The following ZDHHC20 variants were observed in gnomAD, a reference collection of about 807,000 sequenced individuals.
ZDHHC20 encodes the protein zDHHC palmitoyltransferase 20, also known as palmitoyltransferase ZDHHC20.
Under a neutral mutation model 57.8 loss-of-function variants are expected in ZDHHC20, and 43 were observed. That is an observed-to-expected ratio of 0.74 (90% CI 0.58 to 0.96). ZDHHC20 has a LOEUF of 0.96. Among genes scored for constraint, ZDHHC20 ranks in the 40% least tolerant of loss-of-function variants. ZDHHC20 has a pLI of 0.00. For synonymous variants in ZDHHC20, 157 were observed against 153.0 expected, an observed-to-expected ratio of 1.03 and a Z score of -0.19; for missense variants, 391 against 441.1, an observed-to-expected ratio of 0.89 and a Z score of 1.02.
chr13:21,412,931 G>C (rs894233349), intron 4 of ZDHHC20, among the ~76,000 whole-genome samples: 1 of 118,472 alleles, frequency 8.4e-6, no homozygotes, highest in Admixed American at 1.2e-4. Flanking sequence ...CTGCACCATT[G>C]CACTCAAGCC....
Position 21,376,579 on chromosome 13 carries a change from C to A in ZDHHC20, c.*117G>T. The A allele has an allele frequency of 8.4e-7, 1 of 1,192,328 alleles. No individual in the cohort carries two copies. The highest frequency in any genetic ancestry group is 1.1e-6 in the Non-Finnish European group (1 of 870,968). 73.9% of individuals were successfully genotyped at this position (1,192,328 alleles called of 1,614,324 possible). A position where few individuals can be genotyped will look rare whatever the true frequency, so the allele number is the denominator to read the frequency against. On this transcript the variant is annotated 3_prime_UTR_variant, in exon 13 of 13. Transcript: ENST00000400590. ...TTTAAAAAATATATCTTCTGTTATA[C>A]TTCAGTTATTTCATTCCACTGATCA...
At chr13:21,424,582 G>C (rs2137922233) in intron 2 of ZDHHC20, among the ~76,000 whole-genome samples, 1 of 152,050 alleles carries the variant, frequency 6.6e-6, no homozygotes, top group South Asian at 2.1e-4. Flanking sequence ...GTGGTGGCAG[G>C]TGCCTGTAGT....
intron 1 of ZDHHC20, among the ~76,000 whole-genome samples, chr13:21,433,892 C>T (rs112759300): frequency 0.018 from 2,709 of 152,240 alleles, 73 homozygotes; most frequent in African/African-American, 0.062. Flanking sequence ...CTATTATAAA[C>T]AGCATTTCTA....
At chr13:21,443,880 T>G (rs1322044195) in intron 1 of ZDHHC20, among the ~76,000 whole-genome samples, 1 of 152,224 alleles carries the variant, frequency 6.6e-6, no homozygotes, top group Non-Finnish European at 1.5e-5. Context: ...TCTAAAATTT[T>G]GGCTGCGTGT....
chr13:21,451,006 G>C (rs978889939), intron 1 of ZDHHC20, among the ~76,000 whole-genome samples: 2 of 151,902 alleles, frequency 1.3e-5, no homozygotes, highest in Non-Finnish European at 1.5e-5. Flanking sequence ...CTCCCACTTG[G>C]GCTTCCCAAA....
chr13:21,456,164 G>A (rs1055394049), intron 1 of ZDHHC20, among the ~76,000 whole-genome samples: 9 of 152,188 alleles, frequency 5.9e-5, no homozygotes, highest in African/African-American at 2.2e-4. Flanking sequence ...CCAGCACTTT[G>A]GGAGGCCAAG....
rs936924633 is a variant in ZDHHC20 at position 21,413,704 on chromosome 13, A to C, written c.318T>G (p.Ile106Met). Residue 106 changes from isoleucine to methionine, a missense_variant, in exon 4 of 13, where the codon ATT becomes ATG. This residue lies in a region of ZDHHC20 where 185 missense variants were observed against 188.0 expected (regional missense o/e 0.98). Coordinates refer to ENST00000400590, the MANE Select transcript of ZDHHC20 (RefSeq NM_001330059.2). Reference protein sequence around the residue: ...KEFSQERQQEILRRAARALPI... With the variant: ...KEFSQERQQEMLRRAARALPI... ...GTAAAGCTCTTGCTGCTCTTCTCAA[A>C]ATTTCTTGTTGTCTTTCTTGGCTGA... 6.2e-7 allele frequency: 1 copy of C among 1,611,750 alleles called. No homozygotes were observed.
At chr13:21,376,718 A>G (rs1872140948) in intron 12 of ZDHHC20, 63 bp from the exon 13 acceptor site, 13 of 1,146,192 alleles carry the variant, frequency 1.1e-5, no homozygotes, top group Non-Finnish European at 1.6e-5. Flanking sequence ...AATATTTACT[A>G]AATGGTTCTG....
rs189576712 is a variant in ZDHHC20, at chr13:21,397,129, T to A, written c.594+3244A>T. On this transcript the variant is annotated intron_variant, in intron 7 of 12. Transcript: ENST00000400590. ...CCTCATTTGGGCTGGCCGCAGTGGC[T>A]CATGCCTGTAATGCCAGCATTTTGG... 7.2e-5 allele frequency among the ~76,000 whole-genome samples: 11 copies of A among 152,244 alleles called. No homozygotes were observed. The East Asian group carries it at 1.9e-3, about 27-fold the overall frequency.
intron 11 of ZDHHC20, among the ~76,000 whole-genome samples, chr13:21,379,825 C>CTTTTTTTTTTTTTT (rs56681468): frequency 5.1e-5 from 7 of 137,728 alleles, no homozygotes; most frequent in African/African-American, 1.4e-4. Flanking sequence ...TTTCTTTTTT[C>CTTTTTTTTTTTTTT]TTTTTTTTTG....
chr13:21,410,684 C>T (rs1454700801), intron 4 of ZDHHC20, among the ~76,000 whole-genome samples: 1 of 152,162 alleles, frequency 6.6e-6, no homozygotes, highest in Non-Finnish European at 1.5e-5. Context: ...CTTACTCAAG[C>T]CTCAGTAATG....
intron 8 of ZDHHC20, among the ~76,000 whole-genome samples, chr13:21,391,267 T>G (rs1275320262): frequency 1.3e-5 from 2 of 152,178 alleles, no homozygotes; most frequent in Admixed American, 1.3e-4. Flanking sequence ...GTGCCCTGCC[T>G]CTTATAGATT....
chr13:21,435,686 C>T (rs921550985), intron 1 of ZDHHC20, among the ~76,000 whole-genome samples: 2 of 152,094 alleles, frequency 1.3e-5, no homozygotes, highest in Admixed American at 1.3e-4. Context: ...ATTAGAAAAC[C>T]ACCATTTGGC....
At chr13:21,456,307 G>A (rs1178068894) in intron 1 of ZDHHC20, among the ~76,000 whole-genome samples, 1 of 152,176 alleles carries the variant, frequency 6.6e-6, no homozygotes, top group Non-Finnish European at 1.5e-5. Context: ...CTACTTGGGA[G>A]GCTGAGGCAG....
intron 3 of ZDHHC20, among the ~76,000 whole-genome samples, chr13:21,414,887 A>T (rs79398856): frequency 1.3e-5 from 2 of 148,428 alleles, no homozygotes; most frequent in Admixed American, 6.8e-5. Flanking sequence ...TTCATAGATT[A>T]AAAAAAAAAC....
intron 1 of ZDHHC20, among the ~76,000 whole-genome samples, chr13:21,458,693 C>T (rs561552001): frequency 6.6e-6 from 1 of 152,192 alleles, no homozygotes; most frequent in Non-Finnish European, 1.5e-5. Context: ...CCAAAAAAGC[C>T]ACAAACACAA....
At chr13:21,427,659 C>A (rs920825267) in intron 1 of ZDHHC20, among the ~76,000 whole-genome samples, 9 of 152,006 alleles carry the variant, frequency 5.9e-5, no homozygotes, top group Admixed American at 3.9e-4. Flanking sequence ...CATGGTGAAA[C>A]CCCGTCTGCA....
At chr13:21,436,979 A>T (rs1325902790) in intron 1 of ZDHHC20, among the ~76,000 whole-genome samples, 2 of 152,086 alleles carry the variant, frequency 1.3e-5, no homozygotes, top group Non-Finnish European at 2.9e-5. Flanking sequence ...AAAGTATAAT[A>T]AAAAAAATTA....
At chr13:21,418,213 A>G (rs930822305) in intron 3 of ZDHHC20, among the ~76,000 whole-genome samples, 1 of 152,218 alleles carries the variant, frequency 6.6e-6, no homozygotes, top group African/African-American at 2.4e-5. Flanking sequence ...ATACCAGATG[A>G]TAAGTTCTCT....
Sources: allele counts gnomAD v4.1 joint callset (sites outside exome capture counted in the v4.1 genomes callset), GRCh38; gene constraint gnomAD v4.1.1; regional missense constraint gnomAD v4.1.1; transcripts MANE v1.5; gene names NCBI Gene and HGNC (gene_info 2026-07-23, HGNC 2026-07-21).